The following FHIT variants were observed in gnomAD, a reference collection of about 807,000 sequenced individuals.
FHIT encodes fragile histidine triad diadenosine triphosphatase.
In FHIT, 19 loss-of-function variants were observed where a neutral mutation model predicts 17.9. That is an observed-to-expected ratio of 1.06 (90% CI 0.74 to 1.56). The LOEUF (loss-of-function observed/expected upper bound fraction) is 1.56. Ranked by LOEUF, FHIT falls within the 40% of genes most tolerant of loss-of-function variation. The pLI is 0.00. For missense variants in FHIT, 248 were observed against 189.2 expected, an observed-to-expected ratio of 1.31 and a Z score of -1.82; for synonymous variants, 81 against 69.7, an observed-to-expected ratio of 1.16 and a Z score of -0.81.
Position 59,984,969 on chromosome 3 carries a change from A to G in FHIT, c.279+26402T>C, listed in dbSNP as rs1205352771. Among the ~76,000 whole-genome samples, 3 of 152,232 alleles carry G rather than the reference A, an allele frequency of 2.0e-5. 1 individual carries two copies. Among genetic ancestry groups the G allele is most frequent in the South Asian group, 4.2e-4 (2 of 4,810 alleles). ...CCAGGTGTGTTGAGGTCTATGATCC[A>G]GTAATGAACCTGAATCAGAAATGGA... On this transcript the variant is annotated intron_variant, in intron 7 of 9. Transcript: ENST00000492590.
At chr3:60,083,511 C>T (rs923701996) in intron 5 of FHIT, among the ~76,000 whole-genome samples, 196 of 83,120 alleles carry the variant, frequency 2.4e-3, no homozygotes, top group Non-Finnish European at 3.6e-3. Context: ...GATAGGAATA[C>T]CACTGAAAAC....
chr3:60,367,900 A>G lies in FHIT; in HGVS notation c.103+168960T>C, dbSNP rs1032929040. ...TTCTGCCTGTTCTTTAAATCAATAT[A>G]AAGTATGTACACTTTGGTGTTGAAC... On this transcript the variant is annotated intron_variant, in intron 5 of 9. Coordinates refer to ENST00000492590, the MANE Select transcript of FHIT (RefSeq NM_002012.4). 7.9e-5 allele frequency among the ~76,000 whole-genome samples: 12 copies of G among 152,156 alleles called. No homozygotes were observed. The South Asian group carries it at 2.1e-3, about 26-fold the overall frequency.
chr3:60,096,946 T>G (rs1408866830), intron 5 of FHIT, among the ~76,000 whole-genome samples: 1 of 146,234 alleles, frequency 6.8e-6, no homozygotes, highest in Non-Finnish European at 1.5e-5. Flanking sequence ...CTTGGGAGAC[T>G]GGGGCAGGAG....
chr3:59,910,193 T>A (rs1294161105), intron 8 of FHIT, among the ~76,000 whole-genome samples: 1 of 152,106 alleles, frequency 6.6e-6, no homozygotes, highest in Non-Finnish European at 1.5e-5. Flanking sequence ...AGATGAGCAA[T>A]GGTTCATTCT....
intron 5 of FHIT, among the ~76,000 whole-genome samples, chr3:60,509,557 A>G (rs1371358462): frequency 1.3e-5 from 2 of 151,878 alleles, no homozygotes; most frequent in Non-Finnish European, 2.9e-5. Flanking sequence ...GCCCAGTAAC[A>G]TTTGTTTATT....
At chr3:61,044,179 T>A (rs1205326195) in intron 2 of FHIT, among the ~76,000 whole-genome samples, 1 of 152,148 alleles carries the variant, frequency 6.6e-6, no homozygotes, top group African/African-American at 2.4e-5. Context: ...AGTAACAAAC[T>A]TCTCCAAGCT....
chr3:60,849,441 A>ATATATATATATATATATATAT, intron 3 of FHIT, among the ~76,000 whole-genome samples: 1 of 137,700 alleles, frequency 7.3e-6, no homozygotes, highest in African/African-American at 2.7e-5. Context: ...ACAAAAATGA[A>ATATATATATATATATATATAT]ATATATATAT....
At chr3:60,312,042 A>T (rs531227027) in intron 5 of FHIT, among the ~76,000 whole-genome samples, 8 of 152,292 alleles carry the variant, frequency 5.3e-5, no homozygotes, top group Admixed American at 1.3e-4. Context: ...TACAATTTTT[A>T]AAAAAATCTG....
At chr3:60,897,220 C>T (rs1301042151) in intron 3 of FHIT, among the ~76,000 whole-genome samples, 3 of 152,156 alleles carry the variant, frequency 2.0e-5, no homozygotes, top group African/African-American at 7.2e-5. Flanking sequence ...CACGATGATG[C>T]TGCACATATT....
rs573655213 is a variant in FHIT, at chr3:60,522,192, T to C, written c.103+14668A>G. Reference sequence around the variant, plus strand: ...TGGCACGATCTGAGCTCACTGCAACTTCTGCCCCCCTGAGTTCAAGCAATT... The same window carrying C: ...TGGCACGATCTGAGCTCACTGCAACCTCTGCCCCCCTGAGTTCAAGCAATT... On this transcript the variant is annotated intron_variant, in intron 5 of 9. Transcript: ENST00000492590. Among the ~76,000 whole-genome samples, 10 of 144,274 alleles carry C rather than the reference T, an allele frequency of 6.9e-5. No individual in the cohort carries two copies. The East Asian group carries it at 1.1e-3, about 16-fold the overall frequency. The allele number at this position is 144,274 out of a possible 152,430, so 94.6% of individuals were successfully genotyped here. A position where few individuals can be genotyped will look rare whatever the true frequency, so the allele number is the denominator to read the frequency against.
At position 60,011,382 on chromosome 3, in the gene FHIT, G is replaced by T; in HGVS notation, c.268C>A (p.Gln90Lys). ...TAATAAGCACTCACCTTCACAGTCT[G>T]TCCGGCTTCGGGGCCATCCTAGAAG... ...FSMQDGPEAG[Q>K]TVKHVHVHVL... Residue 90 changes from glutamine (Q) to lysine (K), a missense_variant, in exon 7 of 10, where the codon CAG (glutamine) becomes AAG (lysine). Transcript: ENST00000492590. 1.2e-6 allele frequency: 2 copies of T among 1,613,660 alleles called. No homozygotes were observed. The highest frequency in any genetic ancestry group is 1.7e-6 in the Non-Finnish European group (2 of 1,179,662).
intron 5 of FHIT, among the ~76,000 whole-genome samples, chr3:60,179,521 A>T (rs563751100): frequency 6.6e-6 from 1 of 152,310 alleles, no homozygotes; most frequent in Non-Finnish European, 1.5e-5. Flanking sequence ...CCTTTGTGAG[A>T]ATATGCCAAA....
rs1179366472 is a variant in FHIT at position 59,842,666 on chromosome 3, C to T, written c.348+79680G>A. 3.9e-5 allele frequency among the ~76,000 whole-genome samples: 6 copies of T among 152,144 alleles called. 1 individual carries two copies. Among genetic ancestry groups the T allele is most frequent in the Admixed American group, 3.9e-4 (6 of 15,260 alleles). Reference sequence around the variant, plus strand: ...TGCATTTCTCTAGTGATTAGTGATGCTGAGCATCTTTTCAACTGTTTATTG... The same window carrying T: ...TGCATTTCTCTAGTGATTAGTGATGTTGAGCATCTTTTCAACTGTTTATTG... On this transcript the variant is annotated intron_variant, in intron 8 of 9. Coordinates refer to ENST00000492590, the MANE Select transcript of FHIT (RefSeq NM_002012.4).
chr3:61,067,229 G>T lies in FHIT; in HGVS notation c.-163-25130C>A, dbSNP rs117242999. Among the ~76,000 whole-genome samples the T allele has an allele frequency of 2.4e-4, 37 of 152,226 alleles. No individual in the cohort carries two copies. In the East Asian group the frequency reaches 7.1e-3, roughly 29 times the overall value. ...AGTTTCTTATTATCTCTATGCATCA[G>T]GAGTCCCCAAGACAATCCTTAGACT... is the stretch of plus-strand genomic sequence containing the variant. On this transcript the variant is annotated intron_variant, in intron 2 of 9. Transcript: ENST00000492590.
At chr3:60,471,854 T>C (rs1401171528) in intron 5 of FHIT, among the ~76,000 whole-genome samples, 1 of 152,004 alleles carries the variant, frequency 6.6e-6, no homozygotes, top group Admixed American at 6.6e-5. Flanking sequence ...GCCTTCACGC[T>C]AAGCATGGCC....
intron 4 of FHIT, among the ~76,000 whole-genome samples, chr3:60,664,346 A>G (rs782417937): frequency 1.3e-5 from 2 of 152,130 alleles, no homozygotes; most frequent in Non-Finnish European, 2.9e-5. Flanking sequence ...ATCATATTAC[A>G]TAATTCTTTT....
intron 1 of FHIT, among the ~76,000 whole-genome samples, chr3:61,203,705 G>C (rs116205993): frequency 0.011 from 1,690 of 152,296 alleles, 17 homozygotes; most frequent in Non-Finnish European, 0.015. Context: ...AAACTGAGTG[G>C]TTTATCACAA....
chr3:60,409,622 G>C (rs1471428727), intron 5 of FHIT, among the ~76,000 whole-genome samples: 1 of 152,130 alleles, frequency 6.6e-6, no homozygotes, highest in Admixed American at 6.6e-5. Context: ...CAGTGATCTA[G>C]TTACAGTTTA....
chr3:60,519,863 A>G (rs2035294849), intron 5 of FHIT, among the ~76,000 whole-genome samples: 2 of 152,304 alleles, frequency 1.3e-5, no homozygotes, highest in South Asian at 4.1e-4. Flanking sequence ...AATGAGAACC[A>G]TGAGAGATCA....
Sources: allele counts gnomAD v4.1 joint callset (sites outside exome capture counted in the v4.1 genomes callset), GRCh38; gene constraint gnomAD v4.1.1; transcripts MANE v1.5; gene names NCBI Gene and HGNC (gene_info 2026-07-23, HGNC 2026-07-21).